The following THSD7B variants were observed in gnomAD, a reference collection of about 807,000 sequenced individuals.
THSD7B encodes thrombospondin type 1 domain containing 7B.
THSD7B carries 138 observed loss-of-function variants against 213.6 expected under a neutral mutation model. That is an observed-to-expected ratio of 0.65 (90% CI 0.56 to 0.74). The LOEUF (loss-of-function observed/expected upper bound fraction) is 0.74. THSD7B is among the 30% of genes least tolerant of loss of function. The probability of loss-of-function intolerance (pLI) is 0.00; values close to 1 mark genes in which losing one functional copy is unlikely to be tolerated. For synonymous variants in THSD7B, 742 were observed against 687.0 expected, an observed-to-expected ratio of 1.08 and a Z score of -1.25; for missense variants, 1,931 against 1,991.5, an observed-to-expected ratio of 0.97 and a Z score of 0.58.
chr2:137,435,744 TAC>T lies in THSD7B; in HGVS notation c.2960-15097_2960-15096del, dbSNP rs758468349. Among the ~76,000 whole-genome samples, 7 of 152,120 alleles carry T rather than the reference TAC, an allele frequency of 4.6e-5. No homozygotes were observed. The South Asian group carries it at 8.3e-4, about 18-fold the overall frequency. On this transcript the variant is annotated intron_variant, in intron 14 of 27. Coordinates refer to ENST00000409968, the MANE Select transcript of THSD7B (RefSeq NM_001316349.2). The stretch of plus-strand genomic sequence containing the variant: ...TCAGGTATTGGGGCCCAGGGATGGA[TAC>T]ACAGGGAGCTAAGGAAGCAAAGAGG...
intron 16 of THSD7B, among the ~76,000 whole-genome samples, chr2:137,571,279 A>G (rs1450435143): frequency 6.6e-6 from 1 of 152,152 alleles, no homozygotes; most frequent in Non-Finnish European, 1.5e-5. Context: ...ATATTCTTTC[A>G]TTCATTCTCA....
chr2:136,861,347 C>T (rs17664590), intron 1 of THSD7B, among the ~76,000 whole-genome samples: 686 of 152,354 alleles, frequency 4.5e-3, no homozygotes, highest in Non-Finnish European at 7.8e-3. Context: ...CCTTTAGATT[C>T]TCATTCCATT....
chr2:137,004,726 G>GGACCC (rs1440772324), intron 2 of THSD7B, among the ~76,000 whole-genome samples: 1 of 151,926 alleles, frequency 6.6e-6, no homozygotes, highest in Non-Finnish European at 1.5e-5. Context: ...ACATTTTATT[G>GGACCC]GACCCAAATA....
intron 15 of THSD7B, chr2:137,479,561 G>T (rs982710790): frequency 1.8e-5 from 5 of 276,650 alleles, no homozygotes; most frequent in Non-Finnish European, 3.7e-5. Flanking sequence ...GGGACCATAT[G>T]CTTTGGCCCC....
rs1364791949 is a variant in THSD7B at position 137,546,426 on chromosome 2, ATATATATAT to A, written c.3139-16776_3139-16768del. Among the ~76,000 whole-genome samples, 20 of 21,342 alleles carry A rather than the reference ATATATATAT, an allele frequency of 9.4e-4. 3 individuals carry two copies. The highest frequency in any genetic ancestry group is 2.5e-3 in the South Asian group (1 of 408). 14.0% of individuals were successfully genotyped at this position (21,342 alleles called of 152,430 possible). A position where few individuals can be genotyped will look rare whatever the true frequency, so the allele number is the denominator to read the frequency against. ...ATATTATATATATATTATATATATT[ATATATATAT>A]TATATATATTATATATATATTATAT... On this transcript the variant is annotated intron_variant, in intron 15 of 27. Coordinates refer to ENST00000409968, the MANE Select transcript of THSD7B (RefSeq NM_001316349.2).
intron 5 of THSD7B, among the ~76,000 whole-genome samples, chr2:137,143,162 TC>T (rs1286704937): frequency 2.6e-5 from 4 of 152,170 alleles, no homozygotes; most frequent in African/African-American, 9.7e-5. Context: ...CCTGGCTTTT[TC>T]AGAATTTCTC....
intron 26 of THSD7B, among the ~76,000 whole-genome samples, chr2:137,666,536 T>TCC (rs748370693): frequency 6.9e-4 from 89 of 128,780 alleles, no homozygotes; most frequent in Non-Finnish European, 1.2e-3. Context: ...TTTGATTGAT[T>TCC]TCCCCCCCCC....
At chr2:137,004,422 T>C (rs181899632) in intron 2 of THSD7B, among the ~76,000 whole-genome samples, 2 of 152,254 alleles carry the variant, frequency 1.3e-5, no homozygotes, top group Admixed American at 6.5e-5. Flanking sequence ...TTAGTTCTTC[T>C]TATGGAAACA....
chr2:137,671,195 A>T (rs1573779112), intron 27 of THSD7B, among the ~76,000 whole-genome samples: 1 of 148,910 alleles, frequency 6.7e-6, no homozygotes, highest in East Asian at 2.0e-4. Flanking sequence ...TATTAGGGAG[A>T]TGGCCATTTT....
chr2:137,136,378 T>C (rs1189874094), intron 5 of THSD7B, among the ~76,000 whole-genome samples: 1 of 152,212 alleles, frequency 6.6e-6, no homozygotes, highest in African/African-American at 2.4e-5. Context: ...AATATCCTTC[T>C]GTATAAAATG....
intron 5 of THSD7B, among the ~76,000 whole-genome samples, chr2:137,137,857 G>T (rs925932800): frequency 6.6e-6 from 1 of 151,774 alleles, no homozygotes; most frequent in Admixed American, 6.6e-5. Context: ...GGGCATCAGG[G>T]TTTTGTTGGG....
intron 15 of THSD7B, among the ~76,000 whole-genome samples, chr2:137,475,455 C>A (rs533049497): frequency 6.6e-6 from 1 of 152,068 alleles, no homozygotes; most frequent in Admixed American, 6.5e-5. Context: ...CTTTCTGTAT[C>A]CACTAACCAA....
intron 2 of THSD7B, among the ~76,000 whole-genome samples, chr2:136,928,347 C>T (rs1684575031): frequency 6.6e-6 from 1 of 152,152 alleles, no homozygotes; most frequent in African/African-American, 2.4e-5. Flanking sequence ...GCACATATGG[C>T]TTTTGCACCA....
chr2:136,929,107 A>G (rs1020546754), intron 2 of THSD7B, among the ~76,000 whole-genome samples: 5 of 152,212 alleles, frequency 3.3e-5, no homozygotes, highest in Non-Finnish European at 7.3e-5. Context: ...TAATTAAACT[A>G]CTGAAATGAA....
chr2:137,294,428 C>A (rs1345990817), intron 12 of THSD7B, among the ~76,000 whole-genome samples: 1 of 151,618 alleles, frequency 6.6e-6, no homozygotes, highest in African/African-American at 2.4e-5. Flanking sequence ...AATAAAAATA[C>A]AAAAATTAGC....
intron 18 of THSD7B, 44 bp from the exon 19 acceptor site, chr2:137,618,347 TG>T: frequency 6.6e-7 from 1 of 1,523,188 alleles, no homozygotes; most frequent in Non-Finnish European, 9.1e-7. Flanking sequence ...TTTGCTCACA[TG>T]GCCATAATTT....
chr2:137,610,036 G>A (rs910800319), intron 17 of THSD7B, among the ~76,000 whole-genome samples: 5 of 152,074 alleles, frequency 3.3e-5, no homozygotes, highest in African/African-American at 1.2e-4. Context: ...AACAGAGATG[G>A]GAAAGATTAG....
At chr2:137,398,394 C>G (rs1381561505) in intron 12 of THSD7B, among the ~76,000 whole-genome samples, 1 of 149,124 alleles carries the variant, frequency 6.7e-6, no homozygotes, top group African/African-American at 2.5e-5. Flanking sequence ...ACAGGACCCT[C>G]AGCTGCAGGT....
rs10687137 is a variant in THSD7B at position 136,781,267 on chromosome 2, AT to A, written c.-36+15597del. ...TGTATTTTGACTACTTACCAGTTCT[AT>A]TTTTTTTTTTTTTTTTGAGATGGAG... On this transcript the variant is annotated intron_variant, in intron 1 of 27. Coordinates refer to ENST00000409968, the MANE Select transcript of THSD7B (RefSeq NM_001316349.2). Among the ~76,000 whole-genome samples the A allele has an allele frequency of 7.4e-3, 927 of 125,752 alleles. 2 individuals are homozygous for A. The highest frequency in any genetic ancestry group is 0.01 in the Non-Finnish European group (617 of 60,598). 82.5% of individuals were successfully genotyped at this position (125,752 alleles called of 152,430 possible).
Sources: allele counts gnomAD v4.1 joint callset (sites outside exome capture counted in the v4.1 genomes callset), GRCh38; gene constraint gnomAD v4.1.1; transcripts MANE v1.5; gene names NCBI Gene and HGNC (gene_info 2026-07-23, HGNC 2026-07-21).